Variants in IMPG2 observed in about 807,000 individuals in gnomAD.
IMPG2 encodes IPM 200.
A neutral mutation model predicts 129.2 loss-of-function variants in IMPG2; 91 were observed. The observed-to-expected ratio is 0.70, with a 90% CI of 0.59 to 0.84. The LOEUF (loss-of-function observed/expected upper bound fraction) is 0.84. Ranked by LOEUF, IMPG2 falls within the 40% of genes least tolerant of loss-of-function variation. The pLI is 0.00. For missense variants in IMPG2, 1,430 were observed against 1,461.7 expected (o/e 0.98, Z 0.35); for synonymous variants, 510 against 517.7 (o/e 0.99, Z 0.20).
chr3:101,227,949 A>G, intron 18 of IMPG2: 1 of 426,266 alleles, frequency 2.3e-6, no homozygotes, highest in South Asian at 1.6e-5. Flanking sequence ...AATTTCTCTT[A>G]TAAGCATGCA....
chr3:101,277,609 G>T (rs1241709098), intron 4 of IMPG2, among the ~76,000 whole-genome samples: 3 of 152,200 alleles, frequency 2.0e-5, no homozygotes, highest in African/African-American at 4.8e-5. Flanking sequence ...GTCAAGCTTA[G>T]AGAAATTATT....
At chr3:101,247,788 T>A (rs145795995) in intron 11 of IMPG2, among the ~76,000 whole-genome samples, 1 of 152,172 alleles carries the variant, frequency 6.6e-6, no homozygotes, top group South Asian at 2.1e-4. Context: ...CAGCCTGTGT[T>A]TCTAATGTAC....
chr3:101,319,438 A>C, intron 2 of IMPG2, 146 bp downstream of exon 2: 2 of 989,486 alleles, frequency 2.0e-6, no homozygotes, highest in Non-Finnish European at 3.2e-6. Context: ...AGTTACCATT[A>C]ACACTATATT....
chr3:101,256,188 AGAAAG>A (rs1706603203), intron 10 of IMPG2, among the ~76,000 whole-genome samples: 1 of 150,604 alleles, frequency 6.6e-6, no homozygotes, highest in Admixed American at 6.6e-5. Context: ...AAAGAAAGAA[AGAAAG>A]AAAGAAAGAA....
intron 2 of IMPG2, among the ~76,000 whole-genome samples, chr3:101,310,621 A>G (rs912458730): frequency 1.3e-4 from 19 of 151,844 alleles, no homozygotes; most frequent in Non-Finnish European, 4.4e-5. Context: ...ATAATAAAGC[A>G]AACATAATAA....
chr3:101,289,196 T>C (rs1276943079), intron 4 of IMPG2, among the ~76,000 whole-genome samples: 1 of 152,198 alleles, frequency 6.6e-6, no homozygotes, highest in Non-Finnish European at 1.5e-5. Flanking sequence ...ACTGATTTTA[T>C]TCATATTTTG....
chr3:101,232,668 T>A, intron 15 of IMPG2, 113 bp downstream of exon 15: 1 of 861,934 alleles, frequency 1.2e-6, no homozygotes, highest in Non-Finnish European at 1.9e-6. Context: ...TGCCTAGATA[T>A]AACTTCTATA....
intron 13 of IMPG2, 114 bp from the exon 14 acceptor site, chr3:101,243,021 T>C (rs1706427785): frequency 2.5e-6 from 2 of 809,542 alleles, no homozygotes; most frequent in Non-Finnish European, 4.2e-6. Context: ...TTTTCCTAAT[T>C]GTATTTTATC....
chr3:101,302,082 A>G (rs529846241), intron 3 of IMPG2, among the ~76,000 whole-genome samples: 27 of 152,214 alleles, frequency 1.8e-4, no homozygotes, highest in Non-Finnish European at 3.4e-4. Context: ...CTTTCTGCCT[A>G]GAATGTTTAT....
At chr3:101,313,938 C>A (rs1230112930) in intron 2 of IMPG2, among the ~76,000 whole-genome samples, 1 of 152,016 alleles carries the variant, frequency 6.6e-6, no homozygotes, top group East Asian at 1.9e-4. Context: ...TTTCTATATA[C>A]TAGCAAGGAA....
chr3:101,310,801 G>A (rs561637006), intron 2 of IMPG2, among the ~76,000 whole-genome samples: 20 of 152,074 alleles, frequency 1.3e-4, no homozygotes, highest in Non-Finnish European at 2.6e-4. Context: ...AAATCACCAG[G>A]CTTCATAGCA....
intron 2 of IMPG2, among the ~76,000 whole-genome samples, chr3:101,311,901 C>G (rs1209173332): frequency 6.6e-6 from 1 of 152,042 alleles, no homozygotes; most frequent in Non-Finnish European, 1.5e-5. Flanking sequence ...GTGTCATGGT[C>G]AAGTGATTTT....
intron 10 of IMPG2, among the ~76,000 whole-genome samples, chr3:101,256,151 AAGAAAG>A (rs1468058329): frequency 9.9e-6 from 1 of 101,094 alleles, no homozygotes; most frequent in Non-Finnish European, 2.2e-5. Context: ...AAAGAAAAGA[AAGAAAG>A]AAAGAAAGAA....
At chr3:101,290,650 A>G (rs187628079) in intron 4 of IMPG2, among the ~76,000 whole-genome samples, 2 of 152,238 alleles carry the variant, frequency 1.3e-5, no homozygotes, top group Admixed American at 1.3e-4. Context: ...ACAGAGTCCC[A>G]CTTCTTTCCT....
At chr3:101,246,648 A>T (rs1302697689) in intron 11 of IMPG2, among the ~76,000 whole-genome samples, 1 of 152,234 alleles carries the variant, frequency 6.6e-6, no homozygotes, top group Non-Finnish European at 1.5e-5. Context: ...GTGAAATGGT[A>T]TCACACTTAG....
intron 9 of IMPG2, among the ~76,000 whole-genome samples, chr3:101,265,775 G>A (rs77774668): frequency 0.022 from 3,335 of 152,190 alleles, 114 homozygotes; most frequent in African/African-American, 0.075. Flanking sequence ...CCCGCAGTAC[G>A]ATAGAAAATA....
chr3:101,236,601 G>C (rs909032512), intron 14 of IMPG2, among the ~76,000 whole-genome samples: 2 of 152,124 alleles, frequency 1.3e-5, no homozygotes, highest in Admixed American at 6.6e-5. Flanking sequence ...CAAGGGGTTG[G>C]GGTACTCCCT....
intron 7 of IMPG2, among the ~76,000 whole-genome samples, chr3:101,272,042 T>C (rs1706788727): frequency 6.6e-6 from 1 of 152,074 alleles, no homozygotes; most frequent in Non-Finnish European, 1.5e-5. Flanking sequence ...CTCTCTGATG[T>C]TGTACTTCGT....
intron 2 of IMPG2, among the ~76,000 whole-genome samples, chr3:101,314,719 T>C (rs1021342765): frequency 6.6e-6 from 1 of 152,070 alleles, no homozygotes; most frequent in African/African-American, 2.4e-5. Flanking sequence ...ATAAATAAGA[T>C]TTCATGTGTA....
Sources: allele counts gnomAD v4.1 joint callset (sites outside exome capture counted in the v4.1 genomes callset), GRCh38; gene constraint gnomAD v4.1.1; transcripts MANE v1.5; gene names NCBI Gene and HGNC (gene_info 2026-07-23, HGNC 2026-07-21).